PRKCA: variants seen among roughly 807,000 people sequenced by gnomAD.
PRKCA encodes the protein protein kinase C alpha.
PRKCA carries 27 observed loss-of-function variants against 87.0 expected under a neutral mutation model. The observed-to-expected ratio is 0.31, with a 90% CI of 0.23 to 0.43. PRKCA has a LOEUF of 0.43. PRKCA is among the 20% of genes least tolerant of loss of function. The pLI is 1.00. For missense variants in PRKCA, 518 were observed against 852.3 expected (o/e 0.61, Z 4.88); for synonymous variants, 329 against 311.1 (o/e 1.06, Z -0.61).
chr17:66,719,772 T>C (rs1973567827), intron 8 of PRKCA, among the ~76,000 whole-genome samples: 1 of 152,232 alleles, frequency 6.6e-6, no homozygotes, highest in Non-Finnish European at 1.5e-5. Flanking sequence ...GTCTCAAAAA[T>C]AAATAAAAAT....
At chr17:66,582,283 C>T (rs1448817630) in intron 3 of PRKCA, among the ~76,000 whole-genome samples, 1 of 152,156 alleles carries the variant, frequency 6.6e-6, no homozygotes, top group African/African-American at 2.4e-5. Context: ...TATCCTTATC[C>T]AAAATGCCTG....
Position 66,370,420 on chromosome 17 carries a change from G to A in PRKCA, c.205+64293G>A, listed in dbSNP as rs144304713. 1.1e-3 allele frequency among the ~76,000 whole-genome samples: 169 copies of A among 151,536 alleles called. No homozygotes were observed. In the Middle Eastern group the frequency reaches 0.017, roughly 15 times the overall value. ...CTATTTTGATAAGCTTTAATGACAG[G>A]GATGGCGAACAGTGGTTAACAGTTA... On this transcript the variant is annotated intron_variant, in intron 2 of 16. Transcript: ENST00000413366.
chr17:66,411,734 C>T (rs1021613744), intron 2 of PRKCA, among the ~76,000 whole-genome samples: 5 of 152,068 alleles, frequency 3.3e-5, no homozygotes, highest in African/African-American at 1.2e-4. Context: ...CCTGATCTTC[C>T]CCTCCCACCA....
intron 2 of PRKCA, among the ~76,000 whole-genome samples, chr17:66,459,727 C>T (rs941494850): frequency 3.9e-5 from 6 of 152,192 alleles, no homozygotes; most frequent in African/African-American, 7.2e-5. Flanking sequence ...CCGACTCCAT[C>T]GGGGGTGCTT....
At chr17:66,740,244 T>C (rs1051993825) in intron 11 of PRKCA, among the ~76,000 whole-genome samples, 1 of 151,884 alleles carries the variant, frequency 6.6e-6, no homozygotes, top group Non-Finnish European at 1.5e-5. Context: ...GAGGAAGACG[T>C]GGGCTCCAGG....
chr17:66,342,882 A>G (rs1313400015), intron 2 of PRKCA, among the ~76,000 whole-genome samples: 3 of 152,188 alleles, frequency 2.0e-5, no homozygotes, highest in East Asian at 1.9e-4. Context: ...TTTCATAAAG[A>G]TTACTTGTCA....
intron 2 of PRKCA, among the ~76,000 whole-genome samples, chr17:66,364,596 A>G (rs1908591097): frequency 6.6e-6 from 1 of 152,164 alleles, no homozygotes; most frequent in Non-Finnish European, 1.5e-5. Context: ...AAAAGTAGCA[A>G]AAGTCAATGT....
At position 66,645,362 on chromosome 17, in the gene PRKCA, C is replaced by G. The variant is rs372970224; in HGVS notation, c.401-21C>G. 4.5e-5 allele frequency: 72 copies of G among 1,614,076 alleles called. No homozygotes were observed. In the African/African-American group the frequency reaches 8.4e-4, roughly 19 times the overall value. Reference sequence around the variant, plus strand: ...TTGGAGTCCATATGCCCAGCTCACCCTCTCCTTTCTTGATTCACAGCCTGC... The same window carrying G: ...TTGGAGTCCATATGCCCAGCTCACCGTCTCCTTTCTTGATTCACAGCCTGC... On this transcript the variant is annotated intron_variant, in intron 4 of 16. Transcript: ENST00000413366.
intron 3 of PRKCA, among the ~76,000 whole-genome samples, chr17:66,618,450 T>C (rs998827566): frequency 6.6e-6 from 1 of 152,154 alleles, no homozygotes; most frequent in African/African-American, 2.4e-5. Context: ...CTATAGTCTC[T>C]ACACAAAGTA....
At chr17:66,366,597 G>A (rs1908743141) in intron 2 of PRKCA, among the ~76,000 whole-genome samples, 1 of 152,028 alleles carries the variant, frequency 6.6e-6, no homozygotes, top group Non-Finnish European at 1.5e-5. Flanking sequence ...TAATAGCAGT[G>A]AGTTTGAAGG....
chr17:66,738,923 T>TC (rs1555643310), intron 11 of PRKCA, 68 bp downstream of exon 11: 101 of 1,311,086 alleles, frequency 7.7e-5, no homozygotes, highest in Admixed American at 4.8e-4. Flanking sequence ...CTTCCTTTTT[T>TC]CCCCCCCGCT....
Position 66,742,332 on chromosome 17 carries a change from G to A in PRKCA, c.1386-290G>A, listed in dbSNP as rs61761550. On this transcript the variant is annotated intron_variant, in intron 12 of 16. Transcript: ENST00000413366. ...TCAAATGATTGAGACTTTCCCAGAC[G>A]TGCTCAATTGGAATCTCTAGAGTCA... 3.5e-3 allele frequency among the ~76,000 whole-genome samples: 527 copies of A among 152,306 alleles called. 3 individuals are homozygous for A. Among genetic ancestry groups the A allele is most frequent in the African/African-American group, 0.012 (489 of 41,562 alleles).
chr17:66,613,165 A>T (rs1344304030), intron 3 of PRKCA, among the ~76,000 whole-genome samples: 1 of 152,156 alleles, frequency 6.6e-6, no homozygotes, highest in East Asian at 1.9e-4. Context: ...AAACCACTAC[A>T]TCATCAACAG....
At chr17:66,546,128 G>T (rs1240781240) in intron 3 of PRKCA, among the ~76,000 whole-genome samples, 1 of 151,968 alleles carries the variant, frequency 6.6e-6, no homozygotes, top group Non-Finnish European at 1.5e-5. Context: ...CCATTTAATT[G>T]CAGTCTTTAC....
At chr17:66,592,526 C>T (rs571784670) in intron 3 of PRKCA, among the ~76,000 whole-genome samples, 3 of 152,150 alleles carry the variant, frequency 2.0e-5, no homozygotes, top group East Asian at 1.9e-4. Context: ...TCTTGTTTTT[C>T]GCCGGTGCGT....
rs762210806 is a variant in PRKCA, at chr17:66,799,659, C to CGGT, written c.1855-4195_1855-4193dup. ...GTGGTGGTGATGGTGGTGGTAGTGA[C>CGGT]GGTGGTGGTGGTGGTGGTGGTAATG... is the stretch of plus-strand genomic sequence containing the variant. On this transcript the variant is annotated intron_variant, in intron 16 of 16. Coordinates refer to ENST00000413366, the MANE Select transcript of PRKCA (RefSeq NM_002737.3). Among the ~76,000 whole-genome samples, 20 of 13,826 alleles carry CGGT rather than the reference C, an allele frequency of 1.4e-3. No individual in the cohort carries two copies. The East Asian group carries it at 0.015, about 10-fold the overall frequency. The allele number at this position is 13,826 out of a possible 152,430, so 9.1% of individuals were successfully genotyped here.
intron 3 of PRKCA, among the ~76,000 whole-genome samples, chr17:66,546,632 C>A (rs1383224447): frequency 6.6e-6 from 1 of 152,192 alleles, no homozygotes; most frequent in African/African-American, 2.4e-5. Flanking sequence ...AAATAGCAAT[C>A]ATTGGATTTA....
intron 14 of PRKCA, among the ~76,000 whole-genome samples, chr17:66,780,492 A>G (rs1471302432): frequency 6.6e-6 from 1 of 152,116 alleles, no homozygotes; most frequent in Non-Finnish European, 1.5e-5. Flanking sequence ...CCTGGCCAAG[A>G]TGGTGAAACC....
At chr17:66,718,397 C>T (rs113979841) in intron 8 of PRKCA, among the ~76,000 whole-genome samples, 1,711 of 152,264 alleles carry the variant, frequency 0.011, 39 homozygotes, top group African/African-American at 0.039. Context: ...ACTGCATCCT[C>T]GAATTCCTGG....
Sources: allele counts gnomAD v4.1 joint callset (sites outside exome capture counted in the v4.1 genomes callset), GRCh38; gene constraint gnomAD v4.1.1; transcripts MANE v1.5; gene names NCBI Gene and HGNC (gene_info 2026-07-23, HGNC 2026-07-21).